Variants in RPS6KC1 observed in about 807,000 individuals in gnomAD.
The protein encoded by RPS6KC1 is inactive ribosomal protein S6 kinase delta-1.
A neutral mutation model predicts 103.8 loss-of-function variants in RPS6KC1; 54 were observed. The ratio of observed to expected loss-of-function variants is 0.52; its 90% CI spans 0.42 to 0.65. The LOEUF is 0.65. Among genes scored for constraint, RPS6KC1 ranks in the 30% least tolerant of loss-of-function variants. The pLI is 0.00. For missense variants in RPS6KC1, 1,151 were observed against 1,253.8 expected, an observed-to-expected ratio of 0.92 and a Z score of 1.24; for synonymous variants, 439 against 438.7, an observed-to-expected ratio of 1.00 and a Z score of -0.01.
At chr1:213,383,905 G>A in the RPS6KC1 span, among the ~76,000 whole-genome samples, 2 of 152,158 alleles carry the variant, frequency 1.3e-5, no homozygotes, top group African/African-American at 4.8e-5. Flanking sequence ...AGAAATAAAT[G>A]TCTTTTGTTG....
the RPS6KC1 span, among the ~76,000 whole-genome samples, chr1:213,316,212 C>T: frequency 1.3e-5 from 2 of 152,236 alleles, no homozygotes; most frequent in South Asian, 4.1e-4. Flanking sequence ...TCAGCTGCCA[C>T]CATCTAAGAT....
At chr1:213,667,574 T>C in the RPS6KC1 span, among the ~76,000 whole-genome samples, 1 of 152,264 alleles carries the variant, frequency 6.6e-6, no homozygotes, top group Non-Finnish European at 1.5e-5. Context: ...GGTTGTTGAC[T>C]AATCAGGGTG....
At chr1:213,081,238 C>T (rs2079850699) in intron 3 of RPS6KC1, among the ~76,000 whole-genome samples, 1 of 152,102 alleles carries the variant, frequency 6.6e-6, no homozygotes, top group Non-Finnish European at 1.5e-5. Context: ...CATGGTTTTA[C>T]AGGAGATAAA....
the RPS6KC1 span, among the ~76,000 whole-genome samples, chr1:213,782,460 A>G: frequency 1.3e-5 from 2 of 152,074 alleles, no homozygotes; most frequent in Non-Finnish European, 2.9e-5. Flanking sequence ...AGGGAACTTG[A>G]CTATTTTGTG....
the RPS6KC1 span, among the ~76,000 whole-genome samples, chr1:213,373,653 A>G: frequency 6.6e-6 from 1 of 152,262 alleles, no homozygotes; most frequent in Non-Finnish European, 1.5e-5. Flanking sequence ...CTTAACAGAT[A>G]TAAAACCAGA....
intron 8 of RPS6KC1, among the ~76,000 whole-genome samples, chr1:213,190,027 TACC>T (rs2092692407): frequency 2.0e-5 from 3 of 152,222 alleles, no homozygotes; most frequent in African/African-American, 7.2e-5. Flanking sequence ...TTTGTATATA[TACC>T]ACATTTTTAA....
At chr1:213,563,972 C>CTTTTTTTTTTTTTTTTTTTTTT in the RPS6KC1 span, among the ~76,000 whole-genome samples, 4 of 134,396 alleles carry the variant, frequency 3.0e-5, no homozygotes, top group Non-Finnish European at 6.3e-5. Flanking sequence ...TTGCTTACCT[C>CTTTTTTTTTTTTTTTTTTTTTT]TTTTTTTTTT....
the RPS6KC1 span, among the ~76,000 whole-genome samples, chr1:213,776,119 G>A: frequency 6.6e-6 from 1 of 152,118 alleles, no homozygotes; most frequent in Admixed American, 6.5e-5. Flanking sequence ...AACTCATCAA[G>A]TCATCCATGA....
At chr1:213,505,251 C>G in the RPS6KC1 span, among the ~76,000 whole-genome samples, 12 of 152,218 alleles carry the variant, frequency 7.9e-5, 1 homozygote, top group African/African-American at 2.9e-4. Flanking sequence ...AAAGAACCAC[C>G]CAGACTACCG....
chr1:213,197,945 G>A (rs192752775), intron 8 of RPS6KC1, among the ~76,000 whole-genome samples: 8 of 152,266 alleles, frequency 5.3e-5, no homozygotes, highest in African/African-American at 1.9e-4. Context: ...GCCATTTACA[G>A]TCGATGTTAG....
chr1:213,229,079 CTGTT>C (rs995193921), intron 8 of RPS6KC1, among the ~76,000 whole-genome samples: 26 of 152,102 alleles, frequency 1.7e-4, no homozygotes, highest in South Asian at 4.2e-4. Context: ...GAGCAGCAGG[CTGTT>C]TGTTTGTTTG....
chr1:213,781,666 C>A, the RPS6KC1 span, among the ~76,000 whole-genome samples: 1 of 152,138 alleles, frequency 6.6e-6, no homozygotes, highest in African/African-American at 2.4e-5. Context: ...CCAAACTCAA[C>A]AGTGGCACTC....
In RPS6KC1 at chr1:213,272,641, T is replaced by C; in HGVS notation, c.*7T>C. The C allele has an allele frequency of 1.3e-6, 2 of 1,588,386 alleles. No individual in the cohort carries two copies. Among genetic ancestry groups the C allele is most frequent in the Non-Finnish European group, 1.7e-6 (2 of 1,156,674 alleles). On this transcript the variant is annotated 3_prime_UTR_variant, in exon 15 of 15. Coordinates refer to ENST00000366960, the MANE Select transcript of RPS6KC1 (RefSeq NM_012424.6). ...GGCAGAACTGATGAGATGAACGTAA[T>C]GCAGGGTTATCTTCACACATTCTGA... is the stretch of plus-strand genomic sequence containing the variant.
At chr1:213,721,891 G>A in the RPS6KC1 span, among the ~76,000 whole-genome samples, 43 of 152,168 alleles carry the variant, frequency 2.8e-4, no homozygotes, top group Admixed American at 2.7e-3. Context: ...CACAACTGGT[G>A]TTGAAAGGCA....
chr1:213,051,577 A>G (rs779433338), intron 1 of RPS6KC1, 68 bp downstream of exon 1: 1 of 1,132,972 alleles, frequency 8.8e-7, no homozygotes, highest in Non-Finnish European at 1.3e-6. Context: ...GGGGACCCTG[A>G]TGTGAGGGTA....
chr1:213,761,633 C>CA, the RPS6KC1 span, among the ~76,000 whole-genome samples: 1 of 152,256 alleles, frequency 6.6e-6, no homozygotes, highest in African/African-American at 2.4e-5. Context: ...TTCTGCCTTT[C>CA]AGTCTTTGAG....
the RPS6KC1 span, among the ~76,000 whole-genome samples, chr1:213,730,374 T>C: frequency 6.6e-6 from 1 of 152,342 alleles, no homozygotes. Context: ...GTTGAACTAA[T>C]TTACACTCCC....
At chr1:213,055,491 C>T (rs532866375) in intron 1 of RPS6KC1, among the ~76,000 whole-genome samples, 1 of 152,098 alleles carries the variant, frequency 6.6e-6, no homozygotes, top group African/African-American at 2.4e-5. Context: ...TGGGTTGTTT[C>T]CAGTTTTTGG....
Position 213,242,103 on chromosome 1 carries a change from TAGA to T in RPS6KC1, c.2630_2632del (p.Glu877del), listed in dbSNP as rs747894437. ...ACTAAGGGTGAAAGTGGTTTAGTGC[TAGA>T]AGGAGACAAGGAAATACATCAGATT... On this transcript the variant is annotated inframe_deletion, in exon 11 of 15. Coordinates refer to ENST00000366960, the MANE Select transcript of RPS6KC1 (RefSeq NM_012424.6). The T allele has an allele frequency of 6.9e-5, 112 of 1,613,800 alleles. No individual in the cohort carries two copies. Among genetic ancestry groups the T allele is most frequent in the Non-Finnish European group, 6.8e-6 (8 of 1,179,886 alleles).
Sources: gnomAD v4.1 joint callset for allele counts (sites outside exome capture counted in the v4.1 genomes callset) on GRCh38, gnomAD v4.1.1 for gene constraint, MANE v1.5 for transcripts, NCBI Gene and HGNC (gene_info 2026-07-23, HGNC 2026-07-21) for gene names.